The following RGL4 variants were observed in gnomAD, a reference collection of about 807,000 sequenced individuals.
The protein encoded by RGL4 is ral guanine nucleotide dissociation stimulator like 4.
A neutral mutation model predicts 49.6 loss-of-function variants in RGL4; 41 were observed. The ratio of observed to expected loss-of-function variants is 0.83; its 90% confidence interval spans 0.64 to 1.07. The LOEUF is 1.07. Ranked by LOEUF, RGL4 falls within the 50% of genes least tolerant of loss-of-function variation. The pLI is 0.00. For missense variants in RGL4, 610 were observed against 591.9 expected, an observed-to-expected ratio of 1.03 and a Z score of -0.32; for synonymous variants, 255 against 238.0, an observed-to-expected ratio of 1.07 and a Z score of -0.66.
chr22:23,693,925 G>A lies in RGL4; in HGVS notation c.863G>A (p.Arg288Lys), dbSNP rs1923312986. The A allele has an allele frequency of 1.2e-6, 2 of 1,613,894 alleles. No individual in the cohort carries two copies. Among genetic ancestry groups the A allele is most frequent in the Non-Finnish European group, 1.7e-6 (2 of 1,180,036 alleles). The change falls in exon 4 of 11, where the codon AGG becomes AAG. Residue 288 changes from arginine to lysine, a missense_variant. Coordinates refer to ENST00000290691, the MANE Select transcript of RGL4 (RefSeq NM_153615.2). ...TTSCLGDHSM[R>K]ARDRARVVEH... is the part of the protein sequence containing the mutation. ...TCCTGCCTCGGGGACCACAGCATGA[G>A]GGCCCGGGACAGGGCCAGGGTGGTG...
At position 23,698,389 on chromosome 22, in the gene RGL4, T is replaced by A. The variant is rs545165170; in HGVS notation, c.1382+56T>A. ...GAGAAGGCTCTCCATTTTTTTTTTTTAACATGGTCTGGCTCTGTCGCCCAG... is the reference window on the plus strand; with the variant it reads ...GAGAAGGCTCTCCATTTTTTTTTTTAAACATGGTCTGGCTCTGTCGCCCAG... On this transcript the variant is annotated intron_variant, in intron 10 of 10. Coordinates refer to ENST00000290691, the MANE Select transcript of RGL4 (RefSeq NM_153615.2). 139 of 1,530,118 alleles carry A rather than the reference T, an allele frequency of 9.1e-5. No individual in the cohort carries two copies. In the South Asian group the frequency reaches 9.9e-4, roughly 11 times the overall value. 94.8% of individuals were successfully genotyped at this position (1,530,118 alleles called of 1,614,324 possible).
intron 9 of RGL4, 97 bp from the exon 10 acceptor site, chr22:23,698,115 A>G (rs2123864633): frequency 9.9e-6 from 15 of 1,510,482 alleles, no homozygotes; most frequent in Non-Finnish European, 1.3e-5. Flanking sequence ...CCCCTTCAGA[A>G]AACTGCCCCA....
At chr22:23,695,801 A>AC (rs2123860283) in intron 6 of RGL4, among the ~76,000 whole-genome samples, 1 of 152,190 alleles carries the variant, frequency 6.6e-6, no homozygotes, top group East Asian at 1.9e-4. Context: ...GCAACATGTC[A>AC]CCCCACCCAG....
chr22:23,692,907 A>G lies in RGL4; in HGVS notation c.612A>G (p.Val204=), dbSNP rs773867792. 13 of 1,613,496 alleles carry G rather than the reference A, an allele frequency of 8.1e-6. No individual in the cohort carries two copies. Among genetic ancestry groups the G allele is most frequent in the Non-Finnish European group, 4.2e-6 (5 of 1,180,026 alleles). The part of the protein sequence containing the change: ...PESSCPCRGS[V]KNQPSEELPD... ...CCTCCTGTCCCTGTCGTGGGTCTGT[A>G]AAGAACCAACCCAGTGAGGAGCTGC... The change falls in exon 3 of 11, where the codon GTA becomes GTG. Residue 204 remains valine (V), a synonymous_variant. Transcript: ENST00000290691.
Position 23,693,940 on chromosome 22 carries a change from C to G in RGL4, c.878C>G (p.Ala293Gly), listed in dbSNP as rs1360640881. ...GDHSMRARDR[A>G]RVVEHWIKVA... is the part of the protein sequence containing the mutation. Reference sequence around the variant, plus strand: ...CACAGCATGAGGGCCCGGGACAGGGCCAGGGTGGTGGAGCACTGGATCAAG... The same window carrying G: ...CACAGCATGAGGGCCCGGGACAGGGGCAGGGTGGTGGAGCACTGGATCAAG... Residue 293 changes from alanine (A) to glycine (G), a missense_variant, in exon 4 of 11, where the codon GCC becomes GGC. Coordinates refer to ENST00000290691, the MANE Select transcript of RGL4 (RefSeq NM_153615.2). 1 of 1,613,794 alleles carries G rather than the reference C, an allele frequency of 6.2e-7. No individual in the cohort carries two copies. The highest frequency in any genetic ancestry group is 2.2e-5 in the East Asian group (1 of 44,882).
chr22:23,693,911 G>A lies in RGL4; in HGVS notation c.849G>A (p.Gly283=). 4 of 1,613,938 alleles carry A rather than the reference G, an allele frequency of 2.5e-6. No individual in the cohort carries two copies. Among genetic ancestry groups the A allele is most frequent in the East Asian group, 4.5e-5 (2 of 44,880 alleles). Residue 283 remains glycine, a synonymous_variant, in exon 4 of 11, where the codon GGG becomes GGA. Transcript: ENST00000290691. ...LTNCITTSCL[G]DHSMRARDRA... The stretch of plus-strand genomic sequence containing the variant: ...ACTGCATCACCACCTCCTGCCTCGG[G>A]GACCACAGCATGAGGGCCCGGGACA...
At chr22:23,697,986 CAGG>C in intron 9 of RGL4, 125 bp downstream of exon 9, 1 of 1,274,040 alleles carries the variant, frequency 7.8e-7, no homozygotes, top group Non-Finnish European at 1.1e-6. Context: ...TTGACACACA[CAGG>C]AGGAGGGGAC....
chr22:23,693,523 A>ACT (rs1190157643), intron 3 of RGL4, among the ~76,000 whole-genome samples: 1 of 151,400 alleles, frequency 6.6e-6, no homozygotes, highest in Non-Finnish European at 1.5e-5. Context: ...AGAAAATGTC[A>ACT]CTCTCTCTTC....
Position 23,698,848 on chromosome 22 carries a change from A to G in RGL4, c.1387A>G (p.Lys463Glu), listed in dbSNP as rs745794134. Reference sequence around the variant, plus strand: ...AGCTGCTTCTCTGTCCTGCAGCTACAAGCTGTCCTGCCAGCTGGAGCCCGA... The same window carrying G: ...AGCTGCTTCTCTGTCCTGCAGCTACGAGCTGTCCTGCCAGCTGGAGCCCGA... ...MEQLSDKESYKLSCQLEPENP is the reference protein window; with the variant it reads ...MEQLSDKESYELSCQLEPENP Residue 463 changes from lysine (K) to glutamate (E), a missense_variant, in exon 11 of 11, where the codon AAG becomes GAG. Coordinates refer to ENST00000290691, the MANE Select transcript of RGL4 (RefSeq NM_153615.2). 1 of 1,610,028 alleles carries G rather than the reference A, an allele frequency of 6.2e-7. No individual in the cohort carries two copies. The highest frequency in any genetic ancestry group is 1.1e-5 in the South Asian group (1 of 90,554).
intron 3 of RGL4, chr22:23,693,234 A>C: frequency 1.4e-6 from 1 of 697,290 alleles, no homozygotes; most frequent in Non-Finnish European, 2.3e-6. Context: ...ATGGACAGAA[A>C]GCAGGGCAGG....
chr22:23,697,991 G>C, intron 9 of RGL4, 130 bp downstream of exon 9: 1 of 1,240,008 alleles, frequency 8.1e-7, no homozygotes, highest in Non-Finnish European at 1.1e-6. Flanking sequence ...ACACACAGGA[G>C]GAGGGGACCT....
rs769811435 is a variant in RGL4 at position 23,694,381 on chromosome 22, A to C, written c.947A>C (p.His316Pro). The C allele has an allele frequency of 1.5e-5, 25 of 1,614,038 alleles. No homozygotes were observed. In the East Asian group the frequency reaches 5.6e-4, roughly 36 times the overall value. ...AGCCTCAACAACTTCTCCTCGGTGC[A>C]CGTCATCGTCTCTGCTCTGTGCAGC... ...CLSLNNFSSV[H>P]VIVSALCSNP... The change falls in exon 5 of 11, where the codon CAC (histidine) becomes CCC (proline). Residue 316 changes from histidine (H) to proline (P), a missense_variant. Transcript: ENST00000290691.
chr22:23,695,509 T>C, intron 6 of RGL4: 1 of 506,822 alleles, frequency 2.0e-6, no homozygotes, highest in Non-Finnish European at 3.6e-6. Context: ...CAGGGGGCCT[T>C]GGCCTGCACT....
rs980921105 is a variant in RGL4, at chr22:23,691,487, T to C, written c.-544T>C. 1 of 153,522 alleles carries C rather than the reference T, an allele frequency of 6.5e-6. No individual in the cohort carries two copies. The highest frequency in any genetic ancestry group is 1.5e-5 in the Non-Finnish European group (1 of 68,918). The allele number at this position is 153,522 out of a possible 1,614,324, so 9.5% of individuals were successfully genotyped here. A position where few individuals can be genotyped will look rare whatever the true frequency, so the allele number is the denominator to read the frequency against. ...ATTTGTGCATCGCTCTTCTTGGGGC[T>C]TGGCATAATTTCATAAACAAAGCAG... On this transcript the variant is annotated 5_prime_UTR_variant, in exon 1 of 11. Coordinates refer to ENST00000290691, the MANE Select transcript of RGL4 (RefSeq NM_153615.2).
At chr22:23,696,133 G>A (rs1243429856) in intron 6 of RGL4, among the ~76,000 whole-genome samples, 5 of 152,208 alleles carry the variant, frequency 3.3e-5, no homozygotes, top group Non-Finnish European at 1.5e-5. Context: ...GAAGGCAGCC[G>A]AGACGGAGCC....
intron 6 of RGL4, chr22:23,695,526 G>A (rs1923434878): frequency 6.3e-6 from 3 of 479,270 alleles, no homozygotes; most frequent in Middle Eastern, 5.7e-4. Flanking sequence ...CACTGGGGGA[G>A]AGGGGGAACA....
At position 23,694,074 on chromosome 22, in the gene RGL4, G is replaced by C. The variant is rs546258217; in HGVS notation, c.912+100G>C. On this transcript the variant is annotated intron_variant, in intron 4 of 10. Coordinates refer to ENST00000290691, the MANE Select transcript of RGL4 (RefSeq NM_153615.2). The stretch of plus-strand genomic sequence containing the variant: ...GATCGGCATCTGTATCTCTGGCCTG[G>C]ACCCTGCACATCCCCTAGGCTCTTC... 6 of 1,048,982 alleles carry C rather than the reference G, an allele frequency of 5.7e-6. No homozygotes were observed. In the South Asian group the frequency reaches 7.0e-5, roughly 12 times the overall value. The allele number at this position is 1,048,982 out of a possible 1,614,324, so 65.0% of individuals were successfully genotyped here.
Position 23,695,460 on chromosome 22 carries a change from CTG to C in RGL4, c.1086+442_1086+443del. ...GCCTCTGCTGCTGCTGCTGCTGCTG[CTG>C]CTGCTGCTGCTGCTGTCTGCAGCAC... On this transcript the variant is annotated intron_variant, in intron 6 of 10. Coordinates refer to ENST00000290691, the MANE Select transcript of RGL4 (RefSeq NM_153615.2). 2 of 606,320 alleles carry C rather than the reference CTG, an allele frequency of 3.3e-6. 1 individual carries two copies. Among genetic ancestry groups the C allele is most frequent in the Non-Finnish European group, 5.5e-6 (2 of 363,564 alleles). The allele number at this position is 606,320 out of a possible 1,614,324, so 37.6% of individuals were successfully genotyped here. A position where few individuals can be genotyped will look rare whatever the true frequency, so the allele number is the denominator to read the frequency against.
chr22:23,696,004 C>A (rs1404776112), intron 6 of RGL4, among the ~76,000 whole-genome samples: 1 of 152,202 alleles, frequency 6.6e-6, no homozygotes, highest in East Asian at 1.9e-4. Flanking sequence ...TGCCACTTAA[C>A]CAGGTCTCCT....
Sources: gnomAD v4.1 joint callset for allele counts (sites outside exome capture counted in the v4.1 genomes callset) on GRCh38, gnomAD v4.1.1 for gene constraint, MANE v1.5 for transcripts, NCBI Gene and HGNC (gene_info 2026-07-23, HGNC 2026-07-21) for gene names.